MAF: variants seen among roughly 807,000 people sequenced by gnomAD.
MAF encodes MAF bZIP transcription factor, also known as transcription factor Maf.
In MAF, 10 loss-of-function variants were observed where a neutral mutation model predicts 22.0. The ratio of observed to expected loss-of-function variants is 0.45; its 90% confidence interval spans 0.28 to 0.77. MAF has a LOEUF of 0.77. Among genes scored for constraint, MAF ranks in the 30% least tolerant of loss-of-function variants. MAF has a pLI of 0.12. For missense variants in MAF, 544 were observed against 548.4 expected (o/e 0.99, Z 0.08); for synonymous variants, 337 against 255.8 (o/e 1.32, Z -3.03).
the MAF span, among the ~76,000 whole-genome samples, chr16:79,226,001 C>T: frequency 6.6e-6 from 1 of 152,136 alleles, no homozygotes; most frequent in Non-Finnish European, 1.5e-5. Flanking sequence ...ACTAGAAATA[C>T]CATTTGACCC....
At chr16:79,409,339 T>G in the MAF span, among the ~76,000 whole-genome samples, 3 of 152,246 alleles carry the variant, frequency 2.0e-5, no homozygotes, top group African/African-American at 7.2e-5. Flanking sequence ...CCAAGAAATC[T>G]GTACAAGAAG....
chr16:79,537,951 T>C, the MAF span, among the ~76,000 whole-genome samples: 1 of 152,316 alleles, frequency 6.6e-6, no homozygotes, highest in South Asian at 2.1e-4. Context: ...ACGCGTAAAC[T>C]GAATCTCAAG....
the MAF span, among the ~76,000 whole-genome samples, chr16:79,310,444 T>C: frequency 2.0e-5 from 3 of 152,072 alleles, no homozygotes; most frequent in African/African-American, 4.8e-5. Flanking sequence ...GTAAATACGC[T>C]CAAGAACCAG....
At chr16:79,592,160 C>T (rs1913226800), downstream of MAF, among the ~76,000 whole-genome samples, 1 of 152,144 alleles carries the variant, frequency 6.6e-6, no homozygotes, top group Non-Finnish European at 1.5e-5. Flanking sequence ...ACAGGGAGCC[C>T]GAGATTTTAT....
At chr16:79,287,368 A>G in the MAF span, among the ~76,000 whole-genome samples, 5 of 152,184 alleles carry the variant, frequency 3.3e-5, no homozygotes, top group Non-Finnish European at 2.9e-5. Flanking sequence ...CATTCTGCAA[A>G]CCAGCCCCTT....
At chr16:79,496,572 T>C in the MAF span, among the ~76,000 whole-genome samples, 1 of 152,228 alleles carries the variant, frequency 6.6e-6, no homozygotes, top group African/African-American at 2.4e-5. Flanking sequence ...CGTGGTATTA[T>C]ATAACATACC....
At chr16:79,583,665 T>C (rs1488428869), downstream of MAF, among the ~76,000 whole-genome samples, 1 of 152,252 alleles carries the variant, frequency 6.6e-6, no homozygotes, top group African/African-American at 2.4e-5. Context: ...ACGCCAACTC[T>C]CCACTTTGGT....
At chr16:79,211,900 C>T in the MAF span, 2 of 1,559,362 alleles carry the variant, frequency 1.3e-6, no homozygotes, top group East Asian at 2.4e-5. Flanking sequence ...CACAGATCCG[C>T]AAGAGTAAAG....
At chr16:79,376,765 A>C in the MAF span, among the ~76,000 whole-genome samples, 1 of 152,110 alleles carries the variant, frequency 6.6e-6, no homozygotes, top group Non-Finnish European at 1.5e-5. Flanking sequence ...ATGAGTGAGA[A>C]CACGTGGTGT....
At chr16:79,219,611 CT>C in the MAF span, among the ~76,000 whole-genome samples, 5 of 148,816 alleles carry the variant, frequency 3.4e-5, no homozygotes, top group Admixed American at 6.7e-5. Flanking sequence ...TTACTGTCCC[CT>C]TTTCACCAAT....
the MAF span, among the ~76,000 whole-genome samples, chr16:79,395,569 G>C: frequency 6.6e-6 from 1 of 152,106 alleles, no homozygotes; most frequent in East Asian, 1.9e-4. Context: ...ATATGACGGG[G>C]GGCAGAGGTT....
chr16:79,218,226 C>T, the MAF span, among the ~76,000 whole-genome samples: 2 of 138,106 alleles, frequency 1.4e-5, no homozygotes, highest in South Asian at 2.7e-4. Flanking sequence ...CATGCCCCCC[C>T]TTTTTTTCCC....
At chr16:79,413,210 G>GTTTTTTTTTT in the MAF span, among the ~76,000 whole-genome samples, 2 of 63,642 alleles carry the variant, frequency 3.1e-5, no homozygotes, top group African/African-American at 5.6e-5. Flanking sequence ...GAGCTGTGCA[G>GTTTTTTTTTT]TTTTTTTTTT....
At chr16:79,257,605 C>T in the MAF span, among the ~76,000 whole-genome samples, 11 of 152,106 alleles carry the variant, frequency 7.2e-5, no homozygotes, top group Admixed American at 6.5e-4. Context: ...CAGCCTCAGC[C>T]GAGCTACTTA....
the MAF span, among the ~76,000 whole-genome samples, chr16:79,523,146 C>T: frequency 6.6e-6 from 1 of 152,172 alleles, no homozygotes; most frequent in East Asian, 1.9e-4. Context: ...TGTTTGATAG[C>T]AGATATTGTT....
the MAF span, among the ~76,000 whole-genome samples, chr16:79,233,321 T>C: frequency 6.6e-6 from 1 of 152,022 alleles, no homozygotes; most frequent in Non-Finnish European, 1.5e-5. Flanking sequence ...GAAAATGTGC[T>C]ATGTTAGCCC....
chr16:79,452,001 C>G, the MAF span, among the ~76,000 whole-genome samples: 1 of 46,036 alleles, frequency 2.2e-5, no homozygotes, highest in Non-Finnish European at 5.5e-5. Context: ...AAAGGTTGAC[C>G]TGGGGCCAAA....
chr16:79,367,737 C>T, the MAF span, among the ~76,000 whole-genome samples: 1 of 152,136 alleles, frequency 6.6e-6, no homozygotes, highest in African/African-American at 2.4e-5. Context: ...ACGTAAGTAC[C>T]CACACATGCC....
chr16:79,284,517 G>C, the MAF span, among the ~76,000 whole-genome samples: 1 of 152,166 alleles, frequency 6.6e-6, no homozygotes, highest in African/African-American at 2.4e-5. Context: ...AGGGCACCAG[G>C]AAAGAGAGCA....
Sources: gnomAD v4.1 joint callset for allele counts (sites outside exome capture counted in the v4.1 genomes callset) on GRCh38, gnomAD v4.1.1 for gene constraint, MANE v1.5 for transcripts, NCBI Gene and HGNC (gene_info 2026-07-23, HGNC 2026-07-21) for gene names.